INPP5A: variants seen among roughly 807,000 people sequenced by gnomAD.
INPP5A encodes the protein inositol polyphosphate-5-phosphatase A.
In INPP5A, 14 loss-of-function variants were observed where a neutral mutation model predicts 65.2. That is an observed-to-expected ratio of 0.21 (90% CI 0.14 to 0.34). The LOEUF (loss-of-function observed/expected upper bound fraction) is 0.34, where lower values mean the gene tolerates loss of function less well. Ranked by LOEUF, INPP5A falls within the 10% of genes least tolerant of loss-of-function variation. INPP5A has a pLI of 1.00. For missense variants in INPP5A, 431 were observed against 545.6 expected (o/e 0.79, Z 2.09); for synonymous variants, 207 against 208.3 (o/e 0.99, Z 0.05).
intron 9 of INPP5A, among the ~76,000 whole-genome samples, chr10:132,740,316 C>T (rs1032210526): frequency 1.3e-5 from 2 of 152,158 alleles, no homozygotes; most frequent in Admixed American, 1.3e-4. Context: ...ATTACCCCCT[C>T]GATTCTGAGC....
chr10:132,627,174 T>C lies in INPP5A; in HGVS notation c.118-18694T>C, dbSNP rs2072195927. Among the ~76,000 whole-genome samples, 1 of 152,214 alleles carries C rather than the reference T, an allele frequency of 6.6e-6. No homozygotes were observed. Among genetic ancestry groups the C allele is most frequent in the South Asian group, 2.1e-4 (1 of 4,828 alleles). ...ACCAGGAACCAAACCGGCCGGCTTCTTGGCCTCAGACTGACAGCTCCAGAA... is the reference window on the plus strand; with the variant it reads ...ACCAGGAACCAAACCGGCCGGCTTCCTGGCCTCAGACTGACAGCTCCAGAA... On this transcript the variant is annotated intron_variant, in intron 2 of 15. Transcript: ENST00000368594. This position sits in a 1 kb window ranked among gnomAD's most constrained non-coding sequence, Gnocchi z 6.6.
At chr10:132,572,214 T>C (rs1249619001) in intron 1 of INPP5A, among the ~76,000 whole-genome samples, 1 of 152,226 alleles carries the variant, frequency 6.6e-6, no homozygotes, top group Admixed American at 6.5e-5. Context: ...ATTGTGATAC[T>C]CAGAGGAAAA....
At chr10:132,629,178 A>T (rs1175597549) in intron 2 of INPP5A, among the ~76,000 whole-genome samples, 2 of 152,124 alleles carry the variant, frequency 1.3e-5, no homozygotes, top group Non-Finnish European at 2.9e-5. Context: ...AGCACTGCAG[A>T]TGGGTGGTTC....
At chr10:132,559,926 G>C (rs1298134019) in intron 1 of INPP5A, among the ~76,000 whole-genome samples, 1 of 152,376 alleles carries the variant, frequency 6.6e-6, no homozygotes, top group South Asian at 2.1e-4. Context: ...GCAAGTTGCT[G>C]TGTGAACCTG....
At chr10:132,586,677 G>A (rs960899754) in intron 1 of INPP5A, among the ~76,000 whole-genome samples, 4 of 152,250 alleles carry the variant, frequency 2.6e-5, no homozygotes, top group East Asian at 1.9e-4. Flanking sequence ...CCAGAGCCTC[G>A]TGGTGATGGC....
chr10:132,590,109 G>A (rs1370863379), intron 1 of INPP5A, among the ~76,000 whole-genome samples: 3 of 152,250 alleles, frequency 2.0e-5, no homozygotes, highest in Non-Finnish European at 4.4e-5. Context: ...TGGCACCTGG[G>A]CTTTCCAGAA....
intron 11 of INPP5A, among the ~76,000 whole-genome samples, chr10:132,751,753 G>A (rs112847534): frequency 3.4e-5 from 5 of 146,916 alleles, no homozygotes; most frequent in South Asian, 2.1e-4. Flanking sequence ...AGGTGTCTTC[G>A]TGGAGGCGAG....
chr10:132,542,447 G>A (rs1425386611), intron 1 of INPP5A, among the ~76,000 whole-genome samples: 2 of 152,220 alleles, frequency 1.3e-5, no homozygotes, highest in Non-Finnish European at 2.9e-5. Context: ...GGTAGCATCA[G>A]CATTGCCTTC....
At chr10:132,776,586 G>A in intron 12 of INPP5A, among the ~76,000 whole-genome samples, 1 of 152,338 alleles carries the variant, frequency 6.6e-6, no homozygotes, top group African/African-American at 2.4e-5. Flanking sequence ...TCTGGTGAAG[G>A]CCCCAGAGAT....
At position 132,650,189 on chromosome 10, in the gene INPP5A, C is replaced by A. The variant is rs776073300; in HGVS notation, c.219-229C>A. 2.0e-5 allele frequency among the ~76,000 whole-genome samples: 3 copies of A among 152,210 alleles called. No homozygotes were observed. Among genetic ancestry groups the A allele is most frequent in the Non-Finnish European group, 4.4e-5 (3 of 68,032 alleles). Reference sequence around the variant, plus strand: ...TCAGACCCCGGCATCTCACAGGCTGCGTGGAGACCAGAGCCTGTGGGAGCT... The same window carrying A: ...TCAGACCCCGGCATCTCACAGGCTGAGTGGAGACCAGAGCCTGTGGGAGCT... On this transcript the variant is annotated intron_variant, in intron 3 of 15. Coordinates refer to ENST00000368594, the MANE Select transcript of INPP5A (RefSeq NM_005539.5). The surrounding 1 kb of genome is among the most constrained non-coding windows in gnomAD (Gnocchi z 5.5).
In INPP5A at chr10:132,538,186, C is replaced by A; in HGVS notation, c.75+15C>A. On this transcript the variant is annotated intron_variant, in intron 1 of 15. Coordinates refer to ENST00000368594, the MANE Select transcript of INPP5A (RefSeq NM_005539.5). This position sits in a 1 kb window ranked among gnomAD's most constrained non-coding sequence, Gnocchi z 4.1. ...TCTTCGACGACGTAAGTCCCCCGTG[C>A]CGGCGGCAGGCCCCAAGCCCGGAAC... is the stretch of plus-strand genomic sequence containing the variant. 1 of 1,269,950 alleles carries A rather than the reference C, an allele frequency of 7.9e-7. No homozygotes were observed. The highest frequency in any genetic ancestry group is 1.0e-6 in the Non-Finnish European group (1 of 1,003,218). The allele number at this position is 1,269,950 out of a possible 1,614,324, so 78.7% of individuals were successfully genotyped here.
intron 4 of INPP5A, among the ~76,000 whole-genome samples, chr10:132,666,673 C>T (rs1421847487): frequency 6.6e-6 from 1 of 152,178 alleles, no homozygotes; most frequent in Non-Finnish European, 1.5e-5. Flanking sequence ...ATCTTTCAAA[C>T]GGAAATTGTT....
rs1847180808 is a variant in INPP5A, at chr10:132,782,395, C to G, written c.*366C>G. 3 of 313,942 alleles carry G rather than the reference C, an allele frequency of 9.6e-6. No homozygotes were observed. The highest frequency in any genetic ancestry group is 4.8e-5 in the Admixed American group (1 of 20,978). The allele number at this position is 313,942 out of a possible 1,614,324, so 19.4% of individuals were successfully genotyped here. On this transcript the variant is annotated 3_prime_UTR_variant, in exon 16 of 16. Coordinates refer to ENST00000368594, the MANE Select transcript of INPP5A (RefSeq NM_005539.5). This position sits in a 1 kb window ranked among gnomAD's most constrained non-coding sequence, Gnocchi z 4.4. ...GCTTCTTCAGCACAGAGACCCCCCACTGTGTCCAGGGACCCCCTCTGCCAG... is the reference window on the plus strand; with the variant it reads ...GCTTCTTCAGCACAGAGACCCCCCAGTGTGTCCAGGGACCCCCTCTGCCAG...
chr10:132,766,857 G>T (rs112251230), intron 12 of INPP5A, among the ~76,000 whole-genome samples: 3 of 151,908 alleles, frequency 2.0e-5, no homozygotes, highest in Admixed American at 6.6e-5. Flanking sequence ...CTGGAGGTGC[G>T]GCCTCAGGGA....
rs559243644 is a variant in INPP5A at position 132,697,528 on chromosome 10, A to G, written c.371-288A>G. On this transcript the variant is annotated intron_variant, in intron 5 of 15. Transcript: ENST00000368594. This position sits in a 1 kb window ranked among gnomAD's most constrained non-coding sequence, Gnocchi z 5.6. ...CTCTTAAATATATTCACGGGTTTAA[A>G]AGAGGATGCCAATTAGCTCCTGTAA... Among the ~76,000 whole-genome samples the G allele has an allele frequency of 1.7e-3, 258 of 152,356 alleles. No individual in the cohort carries two copies. The highest frequency in any genetic ancestry group is 3.4e-3 in the Middle Eastern group (1 of 294).
At chr10:132,756,287 T>C (rs1322899244) in intron 11 of INPP5A, among the ~76,000 whole-genome samples, 1 of 151,882 alleles carries the variant, frequency 6.6e-6, no homozygotes, top group African/African-American at 2.4e-5. Flanking sequence ...TGCGTGTGCA[T>C]GTGCACTAGT....
intron 1 of INPP5A, among the ~76,000 whole-genome samples, chr10:132,544,890 G>A (rs928460925): frequency 6.6e-6 from 1 of 152,072 alleles, no homozygotes; most frequent in African/African-American, 2.4e-5. Flanking sequence ...AGTCTCTAGA[G>A]TTGCTGAGGA....
chr10:132,691,066 T>C (rs564521124), intron 5 of INPP5A, among the ~76,000 whole-genome samples: 163 of 152,356 alleles, frequency 1.1e-3, no homozygotes, highest in African/African-American at 3.7e-3. Flanking sequence ...CCGGAGCAGA[T>C]GACATCCATG....
chr10:132,688,780 G>A (rs746945009), intron 4 of INPP5A, among the ~76,000 whole-genome samples: 9 of 150,714 alleles, frequency 6.0e-5, no homozygotes, highest in South Asian at 4.2e-4. Context: ...GAATGAGTTC[G>A]TGTGTGAGCA....
Sources: allele counts gnomAD v4.1 joint callset (sites outside exome capture counted in the v4.1 genomes callset), GRCh38; gene constraint gnomAD v4.1.1; non-coding constraint Gnocchi (gnomAD v3.1); transcripts MANE v1.5; gene names NCBI Gene and HGNC (gene_info 2026-07-23, HGNC 2026-07-21).